LRP1B: variants seen among roughly 807,000 people sequenced by gnomAD.
LRP1B encodes LDL receptor related protein 1B.
A neutral mutation model predicts 556.6 loss-of-function variants in LRP1B; 217 were observed. That is an observed-to-expected ratio of 0.39 (90% CI 0.35 to 0.44). The LOEUF (loss-of-function observed/expected upper bound fraction) is 0.44. Ranked by LOEUF, LRP1B falls within the 20% of genes least tolerant of loss-of-function variation. LRP1B has a pLI of 1.00. For synonymous variants in LRP1B, 2,047 were observed against 1,865.8 expected, an observed-to-expected ratio of 1.10 and a Z score of -2.50; for missense variants, 5,053 against 5,620.8, an observed-to-expected ratio of 0.90 and a Z score of 3.23.
At chr2:140,247,430 C>A (rs574276550) in intron 86 of LRP1B, among the ~76,000 whole-genome samples, 2 of 151,454 alleles carry the variant, frequency 1.3e-5, no homozygotes, top group African/African-American at 2.4e-5. Context: ...CATTTTATAG[C>A]GATATTGAAA....
chr2:140,960,091 A>G (rs1695989865), intron 18 of LRP1B, among the ~76,000 whole-genome samples: 1 of 151,728 alleles, frequency 6.6e-6, no homozygotes, highest in Non-Finnish European at 1.5e-5. Context: ...ATACACCTTG[A>G]GATTCCTTGT....
At chr2:141,821,468 T>A (rs1479084551) in intron 1 of LRP1B, among the ~76,000 whole-genome samples, 2 of 152,150 alleles carry the variant, frequency 1.3e-5, no homozygotes, top group Non-Finnish European at 2.9e-5. Context: ...TCAGTCCCAA[T>A]ACACTGGCAC....
At chr2:140,405,851 C>T (rs917373781) in intron 66 of LRP1B, among the ~76,000 whole-genome samples, 1 of 152,036 alleles carries the variant, frequency 6.6e-6, no homozygotes, top group Non-Finnish European at 1.5e-5. Context: ...TTCTATGAAG[C>T]CAGTATCACC....
chr2:141,019,280 T>C (rs926739526), intron 12 of LRP1B, among the ~76,000 whole-genome samples: 1 of 152,060 alleles, frequency 6.6e-6, no homozygotes, highest in Non-Finnish European at 1.5e-5. Flanking sequence ...TACGGTGGTA[T>C]CTAAAATTAT....
intron 1 of LRP1B, among the ~76,000 whole-genome samples, chr2:142,001,511 G>A (rs1365575911): frequency 2.0e-5 from 3 of 152,152 alleles, no homozygotes; most frequent in Admixed American, 2.0e-4. Flanking sequence ...TCAATGGACT[G>A]ATTGCAAAAA....
intron 7 of LRP1B, among the ~76,000 whole-genome samples, chr2:141,172,724 A>T (rs1440081701): frequency 6.6e-6 from 1 of 152,092 alleles, no homozygotes; most frequent in Non-Finnish European, 1.5e-5. Context: ...TGATATATAT[A>T]TAAGTCTGTG....
chr2:140,666,795 A>G (rs1685292268), intron 41 of LRP1B, among the ~76,000 whole-genome samples: 1 of 152,178 alleles, frequency 6.6e-6, no homozygotes, highest in Non-Finnish European at 1.5e-5. Context: ...CTTGAAAAGA[A>G]AGTTGGTTTT....
At chr2:140,743,315 G>A (rs551436656) in intron 35 of LRP1B, among the ~76,000 whole-genome samples, 14 of 152,062 alleles carry the variant, frequency 9.2e-5, no homozygotes, top group Non-Finnish European at 1.6e-4. Flanking sequence ...AAAAATGCTT[G>A]GAGTAAAAAA....
chr2:140,965,312 C>T (rs80092872), intron 18 of LRP1B, among the ~76,000 whole-genome samples: 32,345 of 151,714 alleles, frequency 0.21, 3,549 homozygotes, highest in Middle Eastern at 0.28. Flanking sequence ...CACAGATCTA[C>T]AGAAGACTTT....
At chr2:141,799,193 C>G (rs1043426764) in intron 2 of LRP1B, among the ~76,000 whole-genome samples, 1 of 152,168 alleles carries the variant, frequency 6.6e-6, no homozygotes, top group Non-Finnish European at 1.5e-5. Flanking sequence ...GACCCTCACC[C>G]TTGTCTAACC....
chr2:140,337,109 A>T (rs992315884), intron 77 of LRP1B, among the ~76,000 whole-genome samples: 1 of 151,858 alleles, frequency 6.6e-6, no homozygotes, highest in Non-Finnish European at 1.5e-5. Flanking sequence ...TCTCAAAAAG[A>T]ACACGGGATG....
intron 7 of LRP1B, among the ~76,000 whole-genome samples, 182 bp from the exon 8 acceptor site, chr2:141,062,455 C>A (rs1176987136): frequency 6.6e-6 from 1 of 151,798 alleles, no homozygotes; most frequent in Non-Finnish European, 1.5e-5. Context: ...ATGAATATTG[C>A]AGGGCATAAG....
chr2:140,407,057 T>C (rs183479721), intron 66 of LRP1B, among the ~76,000 whole-genome samples: 1 of 152,196 alleles, frequency 6.6e-6, no homozygotes, highest in African/African-American at 2.4e-5. Context: ...AGCCAACTGA[T>C]CTTTGAGAGA....
intron 2 of LRP1B, among the ~76,000 whole-genome samples, chr2:141,687,633 C>T (rs1206929267): frequency 6.6e-6 from 1 of 151,822 alleles, no homozygotes; most frequent in East Asian, 1.9e-4. Flanking sequence ...TTAATAGAAA[C>T]TTCTCCTGTT....
chr2:140,958,443 C>T (rs1252432950), intron 18 of LRP1B, among the ~76,000 whole-genome samples: 1 of 151,566 alleles, frequency 6.6e-6, no homozygotes, highest in Non-Finnish European at 1.5e-5. Flanking sequence ...AGTTAAATTA[C>T]AAATTAGTAC....
At chr2:141,185,687 C>CAAAAAAA (rs111914547) in intron 7 of LRP1B, among the ~76,000 whole-genome samples, 1 of 132,176 alleles carries the variant, frequency 7.6e-6, no homozygotes, top group African/African-American at 3.0e-5. Flanking sequence ...AACAAACAAA[C>CAAAAAAA]AAAAAAAAAC....
At chr2:141,537,198 C>G (rs1241896540) in intron 2 of LRP1B, among the ~76,000 whole-genome samples, 1 of 151,836 alleles carries the variant, frequency 6.6e-6, no homozygotes, top group Non-Finnish European at 1.5e-5. Context: ...TTTGACTTAT[C>G]AAAATGCTGG....
intron 42 of LRP1B, among the ~76,000 whole-genome samples, chr2:140,599,321 T>C (rs1393225716): frequency 1.3e-5 from 2 of 152,162 alleles, no homozygotes; most frequent in African/African-American, 4.8e-5. Flanking sequence ...CTTTTGTATA[T>C]GTTTTGGAGA....
chr2:140,655,870 G>A (rs566062796), intron 41 of LRP1B, among the ~76,000 whole-genome samples: 2 of 151,868 alleles, frequency 1.3e-5, no homozygotes, highest in East Asian at 3.9e-4. Flanking sequence ...CTGTACCCGG[G>A]AGGCGGAGCT....
Sources: gnomAD v4.1 joint callset for allele counts (sites outside exome capture counted in the v4.1 genomes callset) on GRCh38, gnomAD v4.1.1 for gene constraint, MANE v1.5 for transcripts, NCBI Gene and HGNC (gene_info 2026-07-23, HGNC 2026-07-21) for gene names.